RNASEH2B: variants seen among roughly 807,000 people sequenced by gnomAD.
RNASEH2B encodes ribonuclease H2 subunit B.
In RNASEH2B, 36 loss-of-function variants were observed where a neutral mutation model predicts 45.0. The observed-to-expected ratio is 0.80, with a 90% CI of 0.61 to 1.06. The LOEUF is 1.06. RNASEH2B is among the 50% of genes least tolerant of loss of function. RNASEH2B has a pLI of 0.00. For missense variants in RNASEH2B, 361 were observed against 360.3 expected (o/e 1.00, Z -0.02); for synonymous variants, 119 against 125.7 (o/e 0.95, Z 0.35).
chr13:50,945,311 G>A (rs1170475979), intron 6 of RNASEH2B, 116 bp from the exon 7 acceptor site: 4 of 738,808 alleles, frequency 5.4e-6, no homozygotes, highest in African/African-American at 5.2e-5. Context: ...ATACTTCTAG[G>A]TTCTCAAATA....
intron 10 of RNASEH2B, chr13:50,954,324 A>C (rs1224389180): frequency 2.0e-6 from 1 of 488,730 alleles, no homozygotes; most frequent in Non-Finnish European, 3.6e-6. Flanking sequence ...AATTATGATG[A>C]TAAAAATTAA....
In RNASEH2B at chr13:50,931,803, A is replaced by G. The variant is rs548973698; in HGVS notation, c.321+1044A>G. Among the ~76,000 whole-genome samples the G allele has an allele frequency of 3.5e-4, 54 of 152,314 alleles. 1 individual carries two copies. The Middle Eastern group carries it at 0.01, about 29-fold the overall frequency. ...GTGAAACTTTGTCAGTTAACTTTCT[A>G]TGCTCTGTTACATTAAAATGCATTG... is the stretch of plus-strand genomic sequence containing the variant. On this transcript the variant is annotated intron_variant, in intron 4 of 10. Transcript: ENST00000336617.
chr13:50,955,599 T>C (rs935924590), intron 10 of RNASEH2B: 3 of 152,202 alleles, frequency 2.0e-5, no homozygotes, highest in African/African-American at 7.2e-5. Context: ...CTCTAAAAAA[T>C]ACTTTATCAA....
intron 10 of RNASEH2B, chr13:50,954,852 T>C (rs1458708727): frequency 2.0e-5 from 3 of 152,336 alleles, no homozygotes; most frequent in East Asian, 3.9e-4. Context: ...CATTGAGTAT[T>C]GCTTTTATTC....
rs1307534508 is a variant in RNASEH2B, at chr13:50,934,867, A to G, written c.322-18A>G. 2 of 1,519,494 alleles carry G rather than the reference A, an allele frequency of 1.3e-6. No individual in the cohort carries two copies. The highest frequency in any genetic ancestry group is 1.8e-6 in the Non-Finnish European group (2 of 1,096,470). The allele number at this position is 1,519,494 out of a possible 1,614,324, so 94.1% of individuals were successfully genotyped here. A position where few individuals can be genotyped will look rare whatever the true frequency, so the allele number is the denominator to read the frequency against. ...TTGTTGAATGAAATGCTTGCTTTCC[A>G]ACTAACTGTTTTTTCAGGGGAAGTT... On this transcript the variant is annotated intron_variant, in intron 4 of 10. Transcript: ENST00000336617.
downstream of RNASEH2B, among the ~76,000 whole-genome samples, chr13:50,960,654 A>T (rs968932587): frequency 2.0e-5 from 3 of 152,216 alleles, no homozygotes; most frequent in Non-Finnish European, 2.9e-5. Context: ...TAAAGGATCA[A>T]TAGCATAATG....
chr13:50,927,266 AT>A, intron 1 of RNASEH2B, 140 bp from the exon 2 acceptor site: 2 of 618,170 alleles, frequency 3.2e-6, no homozygotes, highest in Non-Finnish European at 5.9e-6. Flanking sequence ...TTTGCTCAAG[AT>A]CACAACATTT....
intron 1 of RNASEH2B, chr13:50,910,829 G>A (rs185253165): frequency 6.6e-6 from 1 of 152,240 alleles, no homozygotes; most frequent in African/African-American, 2.4e-5. Flanking sequence ...GGGAGTGCAA[G>A]CCAGAAAGGT....
chr13:50,918,300 G>T (rs968153651), intron 1 of RNASEH2B, among the ~76,000 whole-genome samples: 3 of 152,084 alleles, frequency 2.0e-5, no homozygotes, highest in Non-Finnish European at 4.4e-5. Context: ...ACCATGCCCA[G>T]CTAATTTTTT....
intron 9 of RNASEH2B, chr13:50,953,170 CATA>C (rs1263741352): frequency 6.6e-6 from 1 of 152,176 alleles, no homozygotes; most frequent in Non-Finnish European, 1.5e-5. Flanking sequence ...GTACCTTTTA[CATA>C]ATAAGTGTGG....
At chr13:50,930,532 A>G in intron 3 of RNASEH2B, 151 bp from the exon 4 acceptor site, 2 of 697,058 alleles carry the variant, frequency 2.9e-6, no homozygotes, top group Non-Finnish European at 2.6e-6. Context: ...TGAGAGAATC[A>G]CATAGACTCT....
chr13:50,935,162 T>C, intron 5 of RNASEH2B, 163 bp downstream of exon 5: 1 of 639,700 alleles, frequency 1.6e-6, no homozygotes, highest in Non-Finnish European at 2.8e-6. Context: ...CTCTATTGCT[T>C]TGGAGTGTTT....
At chr13:50,961,924 T>C (rs1952115674) in intron 9 of RNASEH2B, among the ~76,000 whole-genome samples, 1 of 152,194 alleles carries the variant, frequency 6.6e-6, no homozygotes, top group Non-Finnish European at 1.5e-5. Flanking sequence ...GTGGATATTG[T>C]CAAATAATTT....
At chr13:50,928,888 A>C (rs1392326632) in intron 2 of RNASEH2B, among the ~76,000 whole-genome samples, 1 of 151,704 alleles carries the variant, frequency 6.6e-6, no homozygotes, top group African/African-American at 2.4e-5. Context: ...TGAAGTGATA[A>C]AACATGCAGA....
At chr13:50,943,730 G>T (rs894771920) in intron 6 of RNASEH2B, among the ~76,000 whole-genome samples, 2 of 152,146 alleles carry the variant, frequency 1.3e-5, no homozygotes, top group Non-Finnish European at 2.9e-5. Flanking sequence ...CAGTCCTGCA[G>T]GTGTCTCCAA....
At chr13:50,967,212 C>G (rs1952173735) in intron 9 of RNASEH2B, among the ~76,000 whole-genome samples, 1 of 152,174 alleles carries the variant, frequency 6.6e-6, no homozygotes, top group Non-Finnish European at 1.5e-5. Context: ...CTAGGCACTC[C>G]CCTAAACTCT....
chr13:50,946,562 G>A (rs1951903561), intron 7 of RNASEH2B, among the ~76,000 whole-genome samples: 1 of 152,164 alleles, frequency 6.6e-6, no homozygotes, highest in African/African-American at 2.4e-5. Flanking sequence ...TGGGTGGATA[G>A]ATGCATCCAT....
At chr13:50,946,421 A>T (rs969777904) in intron 7 of RNASEH2B, among the ~76,000 whole-genome samples, 7 of 152,202 alleles carry the variant, frequency 4.6e-5, no homozygotes, top group Admixed American at 6.5e-5. Context: ...ATGTATAGGT[A>T]GTTGGCTACT....
At chr13:50,917,478 T>A (rs985239793) in intron 1 of RNASEH2B, among the ~76,000 whole-genome samples, 29 of 152,226 alleles carry the variant, frequency 1.9e-4, no homozygotes, top group African/African-American at 7.0e-4. Context: ...GTTTGTATAA[T>A]TTTTAGGAAG....
Sources: allele counts gnomAD v4.1 joint callset (sites outside exome capture counted in the v4.1 genomes callset), GRCh38; gene constraint gnomAD v4.1.1; transcripts MANE v1.5; gene names NCBI Gene and HGNC (gene_info 2026-07-23, HGNC 2026-07-21).